The following HS3ST2 variants were observed in gnomAD, a reference collection of about 807,000 sequenced individuals.
HS3ST2 encodes the protein heparan sulfate-glucosamine 3-sulfotransferase 2.
HS3ST2 carries 17 observed loss-of-function variants against 26.3 expected under a neutral mutation model. The ratio of observed to expected loss-of-function variants is 0.65; its 90% confidence interval spans 0.44 to 0.97. The LOEUF (loss-of-function observed/expected upper bound fraction) is 0.97, where lower values mean the gene tolerates loss of function less well. HS3ST2 is among the 50% of genes least tolerant of loss of function. The pLI is 0.00. For missense variants in HS3ST2, 402 were observed against 501.2 expected (o/e 0.80, Z 1.89); for synonymous variants, 237 against 219.2 (o/e 1.08, Z -0.72).
chr16:22,833,337 A>G (rs1901203756), intron 1 of HS3ST2: 1 of 455,916 alleles, frequency 2.2e-6, no homozygotes, highest in Non-Finnish European at 4.4e-6. Context: ...TGCTGAAGCT[A>G]CCTGGACTGG....
intron 1 of HS3ST2, among the ~76,000 whole-genome samples, chr16:22,895,964 AT>A (rs1902204261): frequency 6.6e-6 from 1 of 151,756 alleles, no homozygotes; most frequent in Non-Finnish European, 1.5e-5. Context: ...GATGTATCAA[AT>A]TATTAATTTT....
chr16:22,914,890 G>A, intron 1 of HS3ST2, 54 bp from the exon 2 acceptor site: 1 of 1,548,526 alleles, frequency 6.5e-7, no homozygotes, highest in East Asian at 2.2e-5. Context: ...AGCTGGGCCT[G>A]AGGCCTGGCC....
intron 1 of HS3ST2, among the ~76,000 whole-genome samples, chr16:22,874,143 C>A (rs1308220274): frequency 6.6e-6 from 1 of 152,196 alleles, no homozygotes; most frequent in East Asian, 1.9e-4. Flanking sequence ...TTCATGTAGC[C>A]ATTTTTGCAA....
intron 1 of HS3ST2, among the ~76,000 whole-genome samples, chr16:22,868,106 A>T (rs1901781922): frequency 6.6e-6 from 1 of 152,204 alleles, no homozygotes; most frequent in South Asian, 2.1e-4. Flanking sequence ...AAATAAGAAC[A>T]TTAAAAGTCT....
rs1567478198 is a variant in HS3ST2, at chr16:22,818,729, CTCCCTCCT to C, written c.485+3640_485+3647del. On this transcript the variant is annotated intron_variant, in intron 1 of 1. Transcript: ENST00000261374. ...CTTCCCTCCTTCCTTCCTTCCCTCC[CTCCCTCCT>C]TCCCTTCCTTCCTTCCTTCCTTCAT... Among the ~76,000 whole-genome samples the C allele has an allele frequency of 1.5e-3, 73 of 48,968 alleles. 5 individuals are homozygous for C. Among genetic ancestry groups the C allele is most frequent in the African/African-American group, 6.9e-3 (59 of 8,530 alleles). 32.1% of individuals were successfully genotyped at this position (48,968 alleles called of 152,430 possible). A position where few individuals can be genotyped will look rare whatever the true frequency, so the allele number is the denominator to read the frequency against.
intron 1 of HS3ST2, among the ~76,000 whole-genome samples, chr16:22,907,878 C>T (rs1902375481): frequency 6.6e-6 from 1 of 152,184 alleles, no homozygotes; most frequent in East Asian, 1.9e-4. Context: ...TGGCTCACAC[C>T]TGTAATCCCA....
intron 1 of HS3ST2, among the ~76,000 whole-genome samples, chr16:22,822,482 G>C (rs10083817): frequency 0.042 from 6,369 of 151,714 alleles, 440 homozygotes; most frequent in African/African-American, 0.14. Flanking sequence ...TAATTTTTTT[G>C]CTTAAGTTAG....
chr16:22,855,000 T>C (rs1901569169), intron 1 of HS3ST2, among the ~76,000 whole-genome samples: 1 of 152,214 alleles, frequency 6.6e-6, no homozygotes, highest in Non-Finnish European at 1.5e-5. Context: ...CACTTTAATC[T>C]CTTTTCTTCT....
At chr16:22,901,196 G>T (rs921372722) in intron 1 of HS3ST2, among the ~76,000 whole-genome samples, 2 of 152,202 alleles carry the variant, frequency 1.3e-5, no homozygotes, top group African/African-American at 4.8e-5. Context: ...AAAAGGAAAA[G>T]CTGGGACTCC....
chr16:22,914,496 A>G (rs533693499), intron 1 of HS3ST2, among the ~76,000 whole-genome samples: 3 of 152,148 alleles, frequency 2.0e-5, no homozygotes, highest in Admixed American at 2.0e-4. Flanking sequence ...GCTTGAGCCC[A>G]GGTGTTCGAG....
chr16:22,896,375 C>T (rs765261627), intron 1 of HS3ST2, among the ~76,000 whole-genome samples: 8 of 152,186 alleles, frequency 5.3e-5, no homozygotes, highest in Admixed American at 1.3e-4. Flanking sequence ...GGTTTTATTT[C>T]GTTCAGACTA....
chr16:22,913,229 AG>A (rs1902449145), intron 1 of HS3ST2, among the ~76,000 whole-genome samples: 1 of 151,264 alleles, frequency 6.6e-6, no homozygotes, highest in African/African-American at 2.4e-5. Flanking sequence ...ACGCGCAGCC[AG>A]GATTAAGAAA....
chr16:22,862,559 A>T (rs1901695049), intron 1 of HS3ST2, among the ~76,000 whole-genome samples: 1 of 152,084 alleles, frequency 6.6e-6, no homozygotes, highest in African/African-American at 2.4e-5. Flanking sequence ...AGAGCATTTG[A>T]TGTGTGGGTT....
chr16:22,914,413 C>A (rs1383640340), intron 1 of HS3ST2, among the ~76,000 whole-genome samples: 1 of 151,844 alleles, frequency 6.6e-6, no homozygotes. Context: ...AGGCTTGAAG[C>A]AAACAGGTTA....
At chr16:22,834,953 A>AGTTC (rs1555511991) in intron 1 of HS3ST2, among the ~76,000 whole-genome samples, 6 of 151,472 alleles carry the variant, frequency 4.0e-5, no homozygotes, top group African/African-American at 1.5e-4. Context: ...TGTTGGAGAT[A>AGTTC]TTTCTTTCCA....
At chr16:22,903,254 G>A (rs1346349552) in intron 1 of HS3ST2, among the ~76,000 whole-genome samples, 1 of 152,096 alleles carries the variant, frequency 6.6e-6, no homozygotes, top group African/African-American at 2.4e-5. Flanking sequence ...AGTTTCCTCA[G>A]TACAAAAACT....
intron 1 of HS3ST2, among the ~76,000 whole-genome samples, chr16:22,886,857 C>T (rs1902067047): frequency 1.3e-5 from 2 of 151,894 alleles, no homozygotes; most frequent in Admixed American, 1.3e-4. Context: ...AGCTCCTGGG[C>T]TCAAACGGTC....
At chr16:22,849,425 T>C (rs761423735) in intron 1 of HS3ST2, among the ~76,000 whole-genome samples, 4 of 152,190 alleles carry the variant, frequency 2.6e-5, no homozygotes, top group Non-Finnish European at 4.4e-5. Context: ...ACTATCTTTT[T>C]TGCGGGGGGG....
At chr16:22,893,153 A>G (rs1240118232) in intron 1 of HS3ST2, among the ~76,000 whole-genome samples, 1 of 152,196 alleles carries the variant, frequency 6.6e-6, no homozygotes, top group Non-Finnish European at 1.5e-5. Flanking sequence ...TTGAATTTGT[A>G]TCTTAGCTTC....
Sources: allele counts gnomAD v4.1 joint callset (sites outside exome capture counted in the v4.1 genomes callset), GRCh38; gene constraint gnomAD v4.1.1; transcripts MANE v1.5; gene names NCBI Gene and HGNC (gene_info 2026-07-23, HGNC 2026-07-21).